MIIP: variants seen among roughly 807,000 people sequenced by gnomAD.
MIIP encodes the protein migration and invasion inhibitory protein, also known as migration and invasion-inhibitory protein.
Under a neutral mutation model 44.8 loss-of-function variants are expected in MIIP, and 44 were observed. The observed-to-expected ratio is 0.98, with a 90% CI of 0.77 to 1.26. MIIP has a LOEUF of 1.26. MIIP is among the 50% of genes most tolerant of loss of function. The pLI is 0.00. For missense variants in MIIP, 496 were observed against 511.7 expected, an observed-to-expected ratio of 0.97 and a Z score of 0.30; for synonymous variants, 225 against 218.3, an observed-to-expected ratio of 1.03 and a Z score of -0.27.
At chr1:12,026,867 C>T (rs1640114056) in intron 4 of MIIP, among the ~76,000 whole-genome samples, 1 of 152,226 alleles carries the variant, frequency 6.6e-6, no homozygotes, top group Non-Finnish European at 1.5e-5. Flanking sequence ...TATTTCTCAT[C>T]CCGATGCCAC....
At chr1:12,030,510 T>A (rs912016143) in intron 8 of MIIP, among the ~76,000 whole-genome samples, 2 of 143,168 alleles carry the variant, frequency 1.4e-5, no homozygotes, top group African/African-American at 2.6e-5. Context: ...GGCGCCTTGG[T>A]GGAGGAGCTG....
In MIIP at chr1:12,029,864, C is replaced by T. The variant is rs1640194605; in HGVS notation, c.815C>T (p.Pro272Leu). The T allele has an allele frequency of 3.1e-6, 5 of 1,612,908 alleles. No homozygotes were observed. The highest frequency in any genetic ancestry group is 4.2e-6 in the Non-Finnish European group (5 of 1,179,436). The stretch of plus-strand genomic sequence containing the variant: ...AGGACACCGCGAGACCAGCAGGGCC[C>T]TGGGACCCTGGCGCAGCCAGCGCAC... ...LCRTPRDQQG[P>L]GTLAQPAHVR... is the part of the protein sequence containing the mutation. The change falls in exon 7 of 10, where the codon CCT (proline) becomes CTT (leucine). Residue 272 changes from proline to leucine, a missense_variant. Physicochemically the swap from Pro to Leu is moderately conservative, Grantham distance 98. Coordinates refer to ENST00000235332, the MANE Select transcript of MIIP (RefSeq NM_021933.4).
At position 12,031,838 on chromosome 1, in the gene MIIP, C is replaced by G; in HGVS notation, c.*30C>G. ...TGACTCCTGGGGGAGAACAGCATTC[C>G]CGCCGCCTCCAGCCTCTCCCCTCTG... On this transcript the variant is annotated 3_prime_UTR_variant, in exon 10 of 10. Coordinates refer to ENST00000235332, the MANE Select transcript of MIIP (RefSeq NM_021933.4). 6.3e-7 allele frequency: 1 copy of G among 1,599,438 alleles called. No homozygotes were observed. The highest frequency in any genetic ancestry group is 8.6e-7 in the Non-Finnish European group (1 of 1,168,198).
chr1:12,026,260 A>G (rs1640103566), intron 4 of MIIP, among the ~76,000 whole-genome samples: 1 of 152,164 alleles, frequency 6.6e-6, no homozygotes, highest in Non-Finnish European at 1.5e-5. Flanking sequence ...AGCAGAGATC[A>G]AGCCACTGCA....
At chr1:12,030,742 T>C (rs1569934817) in intron 8 of MIIP, among the ~76,000 whole-genome samples, 1 of 145,960 alleles carries the variant, frequency 6.9e-6, no homozygotes, top group African/African-American at 2.5e-5. Context: ...GCCACTGCAC[T>C]GCAGCCTGGG....
chr1:12,028,696 A>C, intron 4 of MIIP: 3 of 204,134 alleles, frequency 1.5e-5, no homozygotes, highest in Admixed American at 5.4e-5. Flanking sequence ...TTTGGTGGCT[A>C]GTTCATCTCT....
intron 4 of MIIP, among the ~76,000 whole-genome samples, chr1:12,025,490 G>T (rs572758381): frequency 1.3e-5 from 2 of 152,296 alleles, no homozygotes; most frequent in Non-Finnish European, 2.9e-5. Flanking sequence ...AATGCTGCTG[G>T]TGACATGGTT....
chr1:12,024,222 G>A (rs1640052926), intron 4 of MIIP: 1 of 152,138 alleles, frequency 6.6e-6, no homozygotes, highest in African/African-American at 2.4e-5. Context: ...CCGTATGTTT[G>A]AACATTTGTT....
chr1:12,031,153 T>C (rs946461), intron 8 of MIIP, 113 bp from the exon 9 acceptor site: 967,219 of 1,333,718 alleles, frequency 0.73, 354,154 homozygotes, highest in African/African-American at 0.89. Flanking sequence ...AGGCCCTGCC[T>C]TGGTGGGGGC....
chr1:12,020,463 C>CT (rs1639947056), intron 1 of MIIP, among the ~76,000 whole-genome samples: 1 of 152,210 alleles, frequency 6.6e-6, no homozygotes, highest in Non-Finnish European at 1.5e-5. Flanking sequence ...CTGTATACCA[C>CT]TGTAAGCACT....
intron 4 of MIIP, among the ~76,000 whole-genome samples, chr1:12,027,208 C>G (rs956792638): frequency 6.6e-6 from 1 of 152,140 alleles, no homozygotes; most frequent in Non-Finnish European, 1.5e-5. Flanking sequence ...CAGGGTTTCG[C>G]CATCTTGGCC....
In MIIP at chr1:12,029,249, G is replaced by A; in HGVS notation, c.683G>A (p.Ser228Asn). 4 of 1,613,650 alleles carry A rather than the reference G, an allele frequency of 2.5e-6. No individual in the cohort carries two copies. Among genetic ancestry groups the A allele is most frequent in the South Asian group, 1.1e-5 (1 of 91,088 alleles). The change falls in exon 6 of 10, where the codon AGC (serine) becomes AAC (asparagine). Residue 228 changes from serine to asparagine, a missense_variant. Physicochemically the swap from Ser to Asn is conservative, Grantham distance 46. Coordinates refer to ENST00000235332, the MANE Select transcript of MIIP (RefSeq NM_021933.4). ...CCCCAGTTGCCAGGCCTGCGTGAGAGCAGTGGCAGCGGCGTGGAGGAAGAC... is the reference window on the plus strand; with the variant it reads ...CCCCAGTTGCCAGGCCTGCGTGAGAACAGTGGCAGCGGCGTGGAGGAAGAC... ...PEPQLPGLRE[S>N]SGSGVEEDHE... is the part of the protein sequence containing the mutation.
chr1:12,025,051 TTTG>T (rs1451756045), intron 4 of MIIP, among the ~76,000 whole-genome samples: 7 of 151,338 alleles, frequency 4.6e-5, no homozygotes, highest in African/African-American at 9.7e-5. Context: ...TTTTTTGTTT[TTTG>T]TTGTTGTTTT....
At chr1:12,022,573 G>A (rs1640006290) in intron 3 of MIIP, 131 bp downstream of exon 3, 1 of 827,098 alleles carries the variant, frequency 1.2e-6, no homozygotes, top group South Asian at 1.8e-5. Context: ...CTGTGAGTTG[G>A]GTCTTGCTCA....
chr1:12,031,379 C>T lies in MIIP; in HGVS notation c.1056C>T (p.Ser352=), dbSNP rs368741940. 51 of 1,613,696 alleles carry T rather than the reference C, an allele frequency of 3.2e-5. No individual in the cohort carries two copies. Among genetic ancestry groups the T allele is most frequent in the African/African-American group, 4.0e-5 (3 of 74,916 alleles). ...CTGAGGCCCAGCACCAGAAGCTGTCCGGCACCAGCAGCCCTTTTCACCCGG... is the reference window on the plus strand; with the variant it reads ...CTGAGGCCCAGCACCAGAAGCTGTCTGGCACCAGCAGCCCTTTTCACCCGG... ...VSAEAQHQKL[S]GTSSPFHPAS... is the part of the protein sequence containing the mutation. The change falls in exon 9 of 10, where the codon TCC becomes TCT. Residue 352 remains serine (S), a synonymous_variant. Coordinates refer to ENST00000235332, the MANE Select transcript of MIIP (RefSeq NM_021933.4).
Position 12,029,094 on chromosome 1 carries a change from G to A in MIIP, c.609G>A (p.Gln203=), listed in dbSNP as rs1240287718. 6.2e-7 allele frequency: 1 copy of A among 1,614,186 alleles called. No homozygotes were observed. The highest frequency in any genetic ancestry group is 8.5e-7 in the Non-Finnish European group (1 of 1,180,022). ...CTGAGGCCTTCTTCTCCAAGCTGCAGGAGTTTCGGGAAACCAACAAGGAGG... is the reference window on the plus strand; with the variant it reads ...CTGAGGCCTTCTTCTCCAAGCTGCAAGAGTTTCGGGAAACCAACAAGGAGG... ...SQPEAFFSKL[Q]EFRETNKEEC... is the part of the protein sequence containing the mutation. The change falls in exon 5 of 10, where the codon CAG becomes CAA. Residue 203 remains glutamine, a synonymous_variant. Transcript: ENST00000235332.
chr1:12,029,514 C>T (rs1482133491), intron 6 of MIIP: 3 of 686,300 alleles, frequency 4.4e-6, no homozygotes, highest in East Asian at 5.5e-5. Context: ...ACCATCCCAC[C>T]CTCCCCAGCA....
intron 1 of MIIP, among the ~76,000 whole-genome samples, chr1:12,020,100 A>G (rs1639938878): frequency 6.6e-6 from 1 of 152,156 alleles, no homozygotes; most frequent in Admixed American, 6.5e-5. Flanking sequence ...GAGTTTTCCC[A>G]GGCTCCCCCA....
In MIIP at chr1:12,031,251, C is replaced by T. The variant is rs374060325; in HGVS notation, c.943-15C>T. ...TGTCCCAGGTCAGGCACTTTTAACT[C>T]CTTGCCTTCCACAGCACTGCCTGCT... On this transcript the variant is annotated splice_polypyrimidine_tract_variant and intron_variant, in intron 8 of 9. Transcript: ENST00000235332. 1.9e-6 allele frequency: 3 copies of T among 1,610,852 alleles called. No homozygotes were observed. The highest frequency in any genetic ancestry group is 1.7e-6 in the Non-Finnish European group (2 of 1,178,328).
Sources: gnomAD v4.1 joint callset for allele counts (sites outside exome capture counted in the v4.1 genomes callset) on GRCh38, gnomAD v4.1.1 for gene constraint, MANE v1.5 for transcripts, NCBI Gene and HGNC (gene_info 2026-07-23, HGNC 2026-07-21) for gene names.